Variants in TNFSF8 observed in about 807,000 individuals in gnomAD.
TNFSF8 encodes the protein tumor necrosis factor ligand superfamily member 8.
A neutral mutation model predicts 22.0 loss-of-function variants in TNFSF8; 4 were observed. That is an observed-to-expected ratio of 0.18 (90% CI 0.09 to 0.42). TNFSF8 has a LOEUF of 0.42. Ranked by LOEUF, TNFSF8 falls within the 10% of genes least tolerant of loss-of-function variation. The pLI is 1.00. For missense variants in TNFSF8, 233 were observed against 281.8 expected, an observed-to-expected ratio of 0.83 and a Z score of 1.24; for synonymous variants, 106 against 112.5, an observed-to-expected ratio of 0.94 and a Z score of 0.37.
At chr9:114,915,877 A>T (rs997738299) in intron 2 of TNFSF8, among the ~76,000 whole-genome samples, 3 of 152,206 alleles carry the variant, frequency 2.0e-5, no homozygotes, top group South Asian at 2.1e-4. Flanking sequence ...ATTAGCATTT[A>T]AAAAAATCTG....
intron 2 of TNFSF8, among the ~76,000 whole-genome samples, chr9:114,909,192 C>T (rs1458224702): frequency 1.3e-5 from 2 of 152,218 alleles, no homozygotes; most frequent in Non-Finnish European, 2.9e-5. Flanking sequence ...GCCGTGTGGC[C>T]TGAGTCTTCT....
chr9:114,925,553 C>T (rs1340649283), intron 1 of TNFSF8, among the ~76,000 whole-genome samples: 1 of 152,112 alleles, frequency 6.6e-6, no homozygotes, highest in Non-Finnish European at 1.5e-5. Context: ...GGTGTGTTTA[C>T]CCTACACTTC....
intron 2 of TNFSF8, among the ~76,000 whole-genome samples, chr9:114,910,245 A>G (rs1005115238): frequency 1.3e-5 from 2 of 152,170 alleles, no homozygotes; most frequent in African/African-American, 4.8e-5. Context: ...ATAGAAAGAG[A>G]GGTTGCTCGA....
At chr9:114,927,159 G>A (rs951598471) in intron 1 of TNFSF8, among the ~76,000 whole-genome samples, 1 of 149,098 alleles carries the variant, frequency 6.7e-6, no homozygotes, top group African/African-American at 2.5e-5. Context: ...TAAATATGCT[G>A]GCTTAAATGT....
At chr9:114,918,266 T>C (rs1827944643) in intron 1 of TNFSF8, 128 bp from the exon 2 acceptor site, 2 of 712,630 alleles carry the variant, frequency 2.8e-6, no homozygotes, top group Admixed American at 3.6e-5. Flanking sequence ...ACCTGAATTT[T>C]AAAAATTAAT....
At chr9:114,920,427 A>G (rs1827973307) in intron 1 of TNFSF8, among the ~76,000 whole-genome samples, 1 of 152,226 alleles carries the variant, frequency 6.6e-6, no homozygotes. Flanking sequence ...GGTCTGTGGT[A>G]GGAACTACGT....
chr9:114,904,429 T>G, intron 3 of TNFSF8, 104 bp from the exon 4 acceptor site: 1 of 1,446,406 alleles, frequency 6.9e-7, no homozygotes. Flanking sequence ...ACCCATGTTT[T>G]CTGTAATGTT....
chr9:114,901,766 G>C lies in TNFSF8; in HGVS notation c.*2165C>G. 1 of 984,730 alleles carries C rather than the reference G, an allele frequency of 1.0e-6. No homozygotes were observed. The highest frequency in any genetic ancestry group is 1.2e-6 in the Non-Finnish European group (1 of 829,312). 61.0% of individuals were successfully genotyped at this position (984,730 alleles called of 1,614,324 possible). On this transcript the variant is annotated 3_prime_UTR_variant, in exon 4 of 4. Transcript: ENST00000223795. ...CCCAAAGAATCTACTCACAGAAAGA[G>C]TTAAAGAGAAATGTAGACTTTACTA... is the stretch of plus-strand genomic sequence containing the variant.
chr9:114,905,767 T>A (rs1251005277), intron 3 of TNFSF8, 61 bp downstream of exon 3: 3 of 1,309,114 alleles, frequency 2.3e-6, no homozygotes, highest in Non-Finnish European at 3.3e-6. Flanking sequence ...GGCTTAAAAG[T>A]TGCTGAAAAG....
intron 1 of TNFSF8, among the ~76,000 whole-genome samples, chr9:114,927,268 T>C (rs61024439): frequency 0.18 from 27,433 of 151,956 alleles, 6,452 homozygotes; most frequent in African/African-American, 0.55. Context: ...GTTGTTTTTT[T>C]TCAAGGCTTT....
At chr9:114,924,375 A>T (rs1828031655) in intron 1 of TNFSF8, among the ~76,000 whole-genome samples, 1 of 152,228 alleles carries the variant, frequency 6.6e-6, no homozygotes, top group African/African-American at 2.4e-5. Context: ...GACATTTTTG[A>T]ACAAGTAAAG....
At chr9:114,898,275 T>C (rs1827677902), downstream of TNFSF8, among the ~76,000 whole-genome samples, 1 of 152,206 alleles carries the variant, frequency 6.6e-6, no homozygotes, top group African/African-American at 2.4e-5. Context: ...GTGCTGGGAT[T>C]ACAGGCCTGA....
At chr9:114,894,480 AG>A (rs1167883748) in intron 4 of TNFSF8, among the ~76,000 whole-genome samples, 2 of 152,312 alleles carry the variant, frequency 1.3e-5, no homozygotes, top group East Asian at 1.9e-4. Context: ...AAGTAGCCTC[AG>A]GGTAGTGCAG....
rs535343330 is a variant in TNFSF8 at position 114,902,654 on chromosome 9, T to A, written c.*1277A>T. ...GCTGAGATGAGATGCAGTCAGGTGT[T>A]ACTAGTGTCTTCAATTATATACTGG... On this transcript the variant is annotated 3_prime_UTR_variant, in exon 4 of 4. Transcript: ENST00000223795. The A allele has an allele frequency of 9.1e-6, 9 of 985,372 alleles. No individual in the cohort carries two copies. In the East Asian group the frequency reaches 9.1e-4, roughly 100 times the overall value. The allele number at this position is 985,372 out of a possible 1,614,324, so 61.0% of individuals were successfully genotyped here. A position where few individuals can be genotyped will look rare whatever the true frequency, so the allele number is the denominator to read the frequency against.
At chr9:114,928,145 C>A (rs903589290) in intron 1 of TNFSF8, among the ~76,000 whole-genome samples, 1 of 152,144 alleles carries the variant, frequency 6.6e-6, no homozygotes, top group African/African-American at 2.4e-5. Context: ...CCGCACTGTA[C>A]AATCAGATTG....
chr9:114,926,953 AAAT>A (rs1292709365), intron 1 of TNFSF8, among the ~76,000 whole-genome samples: 2 of 147,114 alleles, frequency 1.4e-5, no homozygotes, highest in African/African-American at 4.9e-5. Context: ...ATAAAATATT[AAAT>A]AACATAAAAT....
chr9:114,908,262 T>C (rs1827808669), intron 2 of TNFSF8, among the ~76,000 whole-genome samples: 1 of 152,210 alleles, frequency 6.6e-6, no homozygotes, highest in African/African-American at 2.4e-5. Flanking sequence ...CTAGTTCATC[T>C]TTCTTGTTTC....
chr9:114,928,348 T>C (rs1302642727), intron 1 of TNFSF8, among the ~76,000 whole-genome samples: 4 of 152,172 alleles, frequency 2.6e-5, no homozygotes, highest in African/African-American at 7.2e-5. Flanking sequence ...CAGGGTGACG[T>C]AGTTCAAGCC....
chr9:114,915,507 A>G (rs1010795123), intron 2 of TNFSF8, among the ~76,000 whole-genome samples: 2 of 152,136 alleles, frequency 1.3e-5, no homozygotes, highest in African/African-American at 2.4e-5. Context: ...AGCAAGAGAA[A>G]GTCAGGTACT....
Sources: gnomAD v4.1 joint callset for allele counts (sites outside exome capture counted in the v4.1 genomes callset) on GRCh38, gnomAD v4.1.1 for gene constraint, MANE v1.5 for transcripts, NCBI Gene and HGNC (gene_info 2026-07-23, HGNC 2026-07-21) for gene names.